PRKN: variants seen among roughly 807,000 people sequenced by gnomAD.
The protein encoded by PRKN is parkin RBR E3 ubiquitin protein ligase.
Under a neutral mutation model 59.5 loss-of-function variants are expected in PRKN, and 56 were observed. The observed-to-expected ratio is 0.94, with a 90% confidence interval of 0.76 to 1.18. PRKN has a LOEUF of 1.18. PRKN is among the 50% of genes most tolerant of loss of function. PRKN has a pLI of 0.00. For synonymous variants in PRKN, 250 were observed against 222.1 expected (o/e 1.13, Z -1.12); for missense variants, 657 against 596.4 (o/e 1.10, Z -1.06).
intron 1 of PRKN, among the ~76,000 whole-genome samples, chr6:162,667,521 GTTA>G (rs1779147005): frequency 6.6e-6 from 1 of 152,130 alleles, no homozygotes; most frequent in East Asian, 1.9e-4. Context: ...TACCTTGTGA[GTTA>G]TTATTTCATT....
intron 6 of PRKN, among the ~76,000 whole-genome samples, chr6:161,950,242 T>C (rs1007003811): frequency 6.6e-6 from 1 of 152,150 alleles, no homozygotes; most frequent in African/African-American, 2.4e-5. Flanking sequence ...CCCAACCATA[T>C]GTTAAATTGG....
At chr6:162,664,966 T>C (rs1779040638) in intron 1 of PRKN, among the ~76,000 whole-genome samples, 1 of 152,156 alleles carries the variant, frequency 6.6e-6, no homozygotes, top group Non-Finnish European at 1.5e-5. Flanking sequence ...GAAAAGGCCT[T>C]TGATAAAATT....
Position 161,864,293 on chromosome 6 carries a change from A to C in PRKN, c.735-78385T>G, listed in dbSNP as rs563058800. The stretch of plus-strand genomic sequence containing the variant: ...TAAATCCTTTGTTGTCATCTCAACA[A>C]TGTTCACACCATCTTCACCAGGAGT... On this transcript the variant is annotated intron_variant, in intron 6 of 11. Coordinates refer to ENST00000366898, the MANE Select transcript of PRKN (RefSeq NM_004562.3). Among the ~76,000 whole-genome samples, 3 of 152,318 alleles carry C rather than the reference A, an allele frequency of 2.0e-5. No homozygotes were observed. In the South Asian group the frequency reaches 6.2e-4, roughly 32 times the overall value.
intron 1 of PRKN, among the ~76,000 whole-genome samples, chr6:162,614,538 A>G (rs1460186060): frequency 6.6e-6 from 1 of 152,192 alleles, no homozygotes; most frequent in East Asian, 1.9e-4. Flanking sequence ...ATTACACCTC[A>G]AATATATAAA....
At chr6:162,243,349 T>A (rs556252873) in intron 3 of PRKN, among the ~76,000 whole-genome samples, 2 of 152,244 alleles carry the variant, frequency 1.3e-5, no homozygotes, top group East Asian at 3.9e-4. Context: ...CAAGGACTTA[T>A]CAATGACAGC....
intron 1 of PRKN, among the ~76,000 whole-genome samples, chr6:162,608,002 C>T (rs1472763100): frequency 6.6e-6 from 1 of 152,158 alleles, no homozygotes; most frequent in African/African-American, 2.4e-5. Context: ...CCAATTTGTC[C>T]TCTTGGGCGT....
chr6:162,090,389 C>T (rs1779435341), intron 4 of PRKN, among the ~76,000 whole-genome samples: 1 of 152,122 alleles, frequency 6.6e-6, no homozygotes, highest in Non-Finnish European at 1.5e-5. Context: ...AATCAGCATG[C>T]CCTACATTTT....
rs997236842 is a variant in PRKN, at chr6:162,418,613, A to T, written c.171+24697T>A. 1.3e-4 allele frequency among the ~76,000 whole-genome samples: 17 copies of T among 126,400 alleles called. No homozygotes were observed. The South Asian group carries it at 2.7e-3, about 20-fold the overall frequency. The allele number at this position is 126,400 out of a possible 152,430, so 82.9% of individuals were successfully genotyped here. A position where few individuals can be genotyped will look rare whatever the true frequency, so the allele number is the denominator to read the frequency against. ...AAGTGATGAAGAGAGAGGGACAGACAGTGTGTGTGTGTGTGTGTGTGTGTG... is the reference window on the plus strand; with the variant it reads ...AAGTGATGAAGAGAGAGGGACAGACTGTGTGTGTGTGTGTGTGTGTGTGTG... On this transcript the variant is annotated intron_variant, in intron 2 of 11. Coordinates refer to ENST00000366898, the MANE Select transcript of PRKN (RefSeq NM_004562.3).
At chr6:161,720,326 C>T (rs1159706573) in intron 7 of PRKN, among the ~76,000 whole-genome samples, 1 of 152,196 alleles carries the variant, frequency 6.6e-6, no homozygotes, top group Non-Finnish European at 1.5e-5. Context: ...TAACTACTAT[C>T]TCCCTACCTT....
chr6:161,534,395 G>A (rs906103937), intron 9 of PRKN, among the ~76,000 whole-genome samples: 10 of 152,114 alleles, frequency 6.6e-5, no homozygotes, highest in African/African-American at 2.2e-4. Context: ...TGAGTGTGCT[G>A]AATGCAGGCA....
intron 1 of PRKN, among the ~76,000 whole-genome samples, chr6:162,658,239 T>G (rs1008858525): frequency 6.6e-5 from 10 of 152,238 alleles, no homozygotes; most frequent in African/African-American, 2.2e-4. Context: ...CTATTCAACT[T>G]TCTTTCTGTA....
intron 1 of PRKN, among the ~76,000 whole-genome samples, chr6:162,689,573 A>G (rs1777694300): frequency 6.6e-6 from 1 of 152,214 alleles, no homozygotes; most frequent in South Asian, 2.1e-4. Context: ...TCTTTTTGGC[A>G]GGAAAATGAT....
chr6:161,801,533 C>T (rs547380624), intron 6 of PRKN, among the ~76,000 whole-genome samples: 1 of 152,196 alleles, frequency 6.6e-6, no homozygotes, highest in Non-Finnish European at 1.5e-5. Context: ...CTATAAACAT[C>T]GAACAGTGTC....
chr6:162,085,752 C>T (rs1438568628), intron 4 of PRKN, among the ~76,000 whole-genome samples: 1 of 152,112 alleles, frequency 6.6e-6, no homozygotes, highest in Non-Finnish European at 1.5e-5. Context: ...TCAATCAGCG[C>T]TGGCAGGTTA....
At chr6:162,268,075 TA>T (rs1243279347) in intron 2 of PRKN, among the ~76,000 whole-genome samples, 1 of 152,132 alleles carries the variant, frequency 6.6e-6, no homozygotes, top group Non-Finnish European at 1.5e-5. Context: ...ATGTTAATAA[TA>T]AAAAACATAT....
intron 1 of PRKN, among the ~76,000 whole-genome samples, chr6:162,668,608 C>T (rs1779196592): frequency 1.3e-5 from 2 of 151,980 alleles, no homozygotes; most frequent in Admixed American, 6.6e-5. Flanking sequence ...CGCAGCAGAA[C>T]CATCCACGGT....
At chr6:162,108,102 GT>G (rs1292840862) in intron 4 of PRKN, among the ~76,000 whole-genome samples, 7 of 152,152 alleles carry the variant, frequency 4.6e-5, no homozygotes, top group African/African-American at 1.7e-4. Context: ...CCTACGTTCA[GT>G]TTGCTCCAAA....
intron 6 of PRKN, among the ~76,000 whole-genome samples, chr6:161,902,552 A>ATCTATTTTTTTTTTTT (rs1343265664): frequency 1.7e-5 from 2 of 121,052 alleles, no homozygotes; most frequent in Non-Finnish European, 1.7e-5. Flanking sequence ...CTATCTATTT[A>ATCTATTTTTTTTTTTT]TTTATTTATT....
chr6:161,912,488 C>G (rs1295281193), intron 6 of PRKN, among the ~76,000 whole-genome samples: 4 of 151,402 alleles, frequency 2.6e-5, no homozygotes, highest in Admixed American at 2.6e-4. Context: ...CGCTTCAGAA[C>G]TTGGCCTCAG....
Sources: gnomAD v4.1 joint callset for allele counts (sites outside exome capture counted in the v4.1 genomes callset) on GRCh38, gnomAD v4.1.1 for gene constraint, MANE v1.5 for transcripts, NCBI Gene and HGNC (gene_info 2026-07-23, HGNC 2026-07-21) for gene names.